The following SHROOM2 variants were observed in gnomAD, a reference collection of about 807,000 sequenced individuals.
SHROOM2 encodes shroom family member 2.
Under a neutral mutation model 75.9 loss-of-function variants are expected in SHROOM2, and 33 were observed. The ratio of observed to expected loss-of-function variants is 0.43; its 90% confidence interval spans 0.33 to 0.58. The LOEUF (loss-of-function observed/expected upper bound fraction) is 0.58, where lower values mean the gene tolerates loss of function less well. Among genes scored for constraint, SHROOM2 ranks in the 20% least tolerant of loss-of-function variants. The pLI, the probability that SHROOM2 is intolerant of heterozygous loss-of-function variation, is 0.04. For missense variants in SHROOM2, 1,434 were observed against 1,461.2 expected (o/e 0.98, Z 0.30); for synonymous variants, 655 against 663.6 (o/e 0.99, Z 0.20).
intron 9 of SHROOM2, among the ~76,000 whole-genome samples, chrX:9,946,010 G>A (rs965614108): frequency 1.8e-5 from 2 of 112,797 alleles, no homozygotes; most frequent in African/African-American, 3.2e-5. Flanking sequence ...CTGTCCTGGC[G>A]CTGGGCTTGG....
chrX:9,838,303 A>G (rs1171824332), intron 1 of SHROOM2, among the ~76,000 whole-genome samples: 6 of 109,445 alleles, frequency 5.5e-5, no homozygotes, highest in Non-Finnish European at 7.6e-5. Flanking sequence ...CTCGTGATCC[A>G]CCCGCTTCGG....
At chrX:9,925,900 C>A in intron 5 of SHROOM2, among the ~76,000 whole-genome samples, 1 of 112,115 alleles carries the variant, frequency 8.9e-6, no homozygotes, top group South Asian at 3.7e-4. Context: ...TTATACCCCT[C>A]ACCGGCTGGC....
Position 9,825,520 on chromosome X carries a change from T to A in SHROOM2, c.165+38810T>A, listed in dbSNP as rs889808127. On this transcript the variant is annotated intron_variant, in intron 1 of 9. Transcript: ENST00000380913. ...ATTTTAGAGAAAGTGACATTGTAAC[T>A]TCCCCTCCTCTTCGCATGTTTACAT... 4.4e-5 allele frequency among the ~76,000 whole-genome samples: 5 copies of A among 112,530 alleles called. No homozygotes were observed. In the East Asian group the frequency reaches 1.4e-3, roughly 31 times the overall value.
intron 1 of SHROOM2, among the ~76,000 whole-genome samples, chrX:9,803,346 T>G (rs2083734719): frequency 8.9e-6 from 1 of 111,791 alleles, no homozygotes; most frequent in Admixed American, 9.5e-5. Flanking sequence ...AAAAATAATT[T>G]TTTAAAAATT....
intron 1 of SHROOM2, among the ~76,000 whole-genome samples, chrX:9,794,514 C>T (rs2083684275): frequency 1.8e-5 from 2 of 110,922 alleles, no homozygotes; most frequent in African/African-American, 6.6e-5. Context: ...GGATTACAGG[C>T]GCCTGCCACT....
chrX:9,862,404 C>T (rs1368442562), intron 1 of SHROOM2, among the ~76,000 whole-genome samples: 3 of 109,495 alleles, frequency 2.7e-5, no homozygotes, highest in African/African-American at 1.0e-4. Context: ...TGGAGAAAGT[C>T]GCTGAGGGCC....
chrX:9,817,602 T>C (rs2083830286), intron 1 of SHROOM2, among the ~76,000 whole-genome samples: 1 of 112,198 alleles, frequency 8.9e-6, no homozygotes, highest in Admixed American at 9.5e-5. Context: ...CAAAACCTGC[T>C]GTTAAATTAT....
At chrX:9,804,369 C>T (rs1167546357) in intron 1 of SHROOM2, among the ~76,000 whole-genome samples, 1 of 112,357 alleles carries the variant, frequency 8.9e-6, no homozygotes. Flanking sequence ...TCCCCAGGCT[C>T]CTTGTCTCTG....
Position 9,895,885 on chromosome X carries a change from C to T in SHROOM2, c.1977C>T (p.Gly659=), listed in dbSNP as rs1204956785. The T allele has an allele frequency of 8.3e-7, 1 of 1,200,697 alleles. No individual in the cohort carries two copies. The highest frequency in any genetic ancestry group is 1.1e-6 in the Non-Finnish European group (1 of 890,265). The change falls in exon 4 of 10, where the codon GGC becomes GGT. Residue 659 remains glycine, a synonymous_variant. Coordinates refer to ENST00000380913, the MANE Select transcript of SHROOM2 (RefSeq NM_001649.4). The part of the protein sequence containing the change: ...ALTAAGEAED[G]TGRWRAGLGG... Reference sequence around the variant, plus strand: ...CTGCAGCAGGGGAGGCGGAGGATGGCACCGGCCGCTGGAGGGCCGGGTTGG... The same window carrying T: ...CTGCAGCAGGGGAGGCGGAGGATGGTACCGGCCGCTGGAGGGCCGGGTTGG...
intron 1 of SHROOM2, among the ~76,000 whole-genome samples, chrX:9,829,286 A>C (rs2083903774): frequency 1.8e-5 from 2 of 112,367 alleles, no homozygotes; most frequent in African/African-American, 3.2e-5. Context: ...AGCCTCACAA[A>C]GTGCTGAGAT....
chrX:9,894,042 G>A (rs187574966), intron 3 of SHROOM2, among the ~76,000 whole-genome samples: 2 of 111,176 alleles, frequency 1.8e-5, no homozygotes, highest in Admixed American at 1.9e-4. Context: ...GACCATAGAC[G>A]TGTAAATGCA....
At chrX:9,883,402 G>A (rs1392362078) in intron 2 of SHROOM2, among the ~76,000 whole-genome samples, 2 of 111,968 alleles carry the variant, frequency 1.8e-5, no homozygotes, top group African/African-American at 3.2e-5. Context: ...AGAGGGAGGT[G>A]GAAACGTAGG....
intron 6 of SHROOM2, among the ~76,000 whole-genome samples, chrX:9,935,639 G>A (rs961153837): frequency 6.3e-5 from 7 of 111,465 alleles, no homozygotes; most frequent in Non-Finnish European, 1.3e-4. Flanking sequence ...AGGAAAATAC[G>A]CAGTTAGTTC....
intron 3 of SHROOM2, among the ~76,000 whole-genome samples, chrX:9,891,667 C>T (rs1216332195): frequency 3.6e-5 from 4 of 109,964 alleles, no homozygotes; most frequent in Middle Eastern, 4.3e-3. Context: ...TGTATGTTTA[C>T]GGGTGTGAGT....
chrX:9,939,135 G>T, intron 7 of SHROOM2, 60 bp from the exon 8 acceptor site: 1 of 1,031,189 alleles, frequency 9.7e-7, no homozygotes, highest in Non-Finnish European at 1.3e-6. Flanking sequence ...AGGGGGTGGG[G>T]CAGAGGGGCT....
intron 2 of SHROOM2, among the ~76,000 whole-genome samples, chrX:9,881,182 T>G (rs1286199711): frequency 8.9e-6 from 1 of 111,899 alleles, no homozygotes; most frequent in Non-Finnish European, 1.9e-5. Context: ...GCAACAGTTC[T>G]CTGCACCACG....
chrX:9,863,739 G>A (rs760430928), intron 1 of SHROOM2, among the ~76,000 whole-genome samples: 131 of 110,012 alleles, frequency 1.2e-3, no homozygotes, highest in African/African-American at 4.2e-3. Flanking sequence ...AGGTGATCCC[G>A]CCATAGCCTC....
At chrX:9,925,134 G>A (rs964453084) in intron 5 of SHROOM2, among the ~76,000 whole-genome samples, 1 of 112,016 alleles carries the variant, frequency 8.9e-6, no homozygotes, top group African/African-American at 3.3e-5. Context: ...TCTGGCCTTT[G>A]TGGAGTGCTG....
Position 9,937,163 on chromosome X carries a change from C to T in SHROOM2, c.3617C>T (p.Thr1206Met), listed in dbSNP as rs760932152. Residue 1206 changes from threonine (T) to methionine (M), a missense_variant, in exon 7 of 10, where the codon ACG becomes ATG. By Grantham distance (81) the Thr-to-Met change is moderately conservative (BLOSUM62 -1). Around this residue, in one of 3 missense-constraint regions of SHROOM2, gnomAD observed 1,340 missense variants for 1,338.3 expected, o/e 1.00. Coordinates refer to ENST00000380913, the MANE Select transcript of SHROOM2 (RefSeq NM_001649.4). ...RIERVMDNNT[T>M]VKMVPIKIVH... is the part of the protein sequence containing the mutation. ...GAGCGGGTGATGGACAACAACACCA[C>T]GGTGAAGATGGTGCCCATCAAGATC... The T allele has an allele frequency of 6.7e-6, 8 of 1,200,369 alleles. No homozygotes were observed. Among genetic ancestry groups the T allele is most frequent in the South Asian group, 1.8e-5 (1 of 55,069 alleles).
Sources: gnomAD v4.1 joint callset for allele counts (sites outside exome capture counted in the v4.1 genomes callset) on GRCh38, gnomAD v4.1.1 for gene constraint, gnomAD v4.1.1 regional missense constraint, MANE v1.5 for transcripts, NCBI Gene and HGNC (gene_info 2026-07-23, HGNC 2026-07-21) for gene names.